The following ATXN3 variants were observed in gnomAD, a reference collection of about 807,000 sequenced individuals.
ATXN3 encodes the protein ataxin-3.
Under a neutral mutation model 58.2 loss-of-function variants are expected in ATXN3, and 28 were observed. That is an observed-to-expected ratio of 0.48 (90% CI 0.36 to 0.66). The LOEUF is 0.66. Among genes scored for constraint, ATXN3 ranks in the 30% least tolerant of loss-of-function variants. The pLI is 0.00. For missense variants in ATXN3, 321 were observed against 422.1 expected (o/e 0.76, Z 2.10); for synonymous variants, 113 against 138.5 (o/e 0.82, Z 1.29).
At chr14:92,086,872 C>T (rs930208009) in intron 6 of ATXN3, among the ~76,000 whole-genome samples, 1 of 151,872 alleles carries the variant, frequency 6.6e-6, no homozygotes, top group African/African-American at 2.4e-5. Context: ...AAAGCAGGAA[C>T]ATCTTGAGTA....
chr14:92,096,900 C>G, intron 1 of ATXN3, 62 bp from the exon 2 acceptor site: 1 of 1,431,670 alleles, frequency 7.0e-7, no homozygotes, highest in South Asian at 1.2e-5. Context: ...ATAGTATCTT[C>G]CCCTAAATAA....
Position 92,096,654 on chromosome 14 carries a change from A to G in ATXN3, c.189+20T>C. 6.6e-7 allele frequency: 1 copy of G among 1,515,774 alleles called. No homozygotes were observed. The highest frequency in any genetic ancestry group is 9.0e-7 in the Non-Finnish European group (1 of 1,109,250). 93.9% of individuals were successfully genotyped at this position (1,515,774 alleles called of 1,614,324 possible). ...AAAAAAAAAAAAAGAAATGTGACTT[A>G]GTGAGTTTAAAATCAGTACCTGTAA... On this transcript the variant is annotated intron_variant, in intron 2 of 10. Coordinates refer to ENST00000644486, the MANE Select transcript of ATXN3 (RefSeq NM_004993.6).
intron 10 of ATXN3, 175 bp downstream of exon 10, chr14:92,070,760 T>TC: frequency 8.5e-7 from 1 of 1,176,782 alleles, no homozygotes; most frequent in African/African-American, 1.7e-5. Flanking sequence ...TTTTTTTTTT[T>TC]CTTTTGGTAA....
rs35141835 is a variant in ATXN3, at chr14:92,060,734, ATTT to A, written c.*3583_*3585del. On this transcript the variant is annotated 3_prime_UTR_variant, in exon 11 of 11. Transcript: ENST00000644486. ...TTTAGTAGCTCTTGGCACTAGCATG[ATTT>A]TTTTTTTTTTTTTGAGACAGAGTCT... 12 of 138,614 alleles carry A rather than the reference ATTT, an allele frequency of 8.7e-5. 1 individual carries two copies. The highest frequency in any genetic ancestry group is 7.0e-4 in the South Asian group (3 of 4,286). The allele number at this position is 138,614 out of a possible 1,614,324, so 8.6% of individuals were successfully genotyped here. A position where few individuals can be genotyped will look rare whatever the true frequency, so the allele number is the denominator to read the frequency against.
At chr14:92,080,375 C>A (rs1451389511) in intron 9 of ATXN3, among the ~76,000 whole-genome samples, 1 of 152,138 alleles carries the variant, frequency 6.6e-6, no homozygotes, top group Non-Finnish European at 1.5e-5. Context: ...TCCAAAGGAT[C>A]AATTGGCATT....
At position 92,096,721 on chromosome 14, in the gene ATXN3, T is replaced by C; in HGVS notation, c.142A>G (p.Met48Val). ...TCACTAGTAACTCCTCCTTCTGCCATTCTCATCCTCTCCTCCTCATCCAGC... is the reference window on the plus strand; with the variant it reads ...TCACTAGTAACTCCTCCTTCTGCCACTCTCATCCTCTCCTCCTCATCCAGC... ...HQLDEEERMRMAEGGVTSEDY... is the reference protein window; with the variant it reads ...HQLDEEERMRVAEGGVTSEDY... Residue 48 changes from methionine (M) to valine (V), a missense_variant, in exon 2 of 11, where the codon ATG (methionine) becomes GTG (valine). Transcript: ENST00000644486. 6.2e-7 allele frequency: 1 copy of C among 1,614,050 alleles called. No individual in the cohort carries two copies.
At chr14:92,057,019 A>G (rs2057473248), downstream of ATXN3, among the ~76,000 whole-genome samples, 2 of 152,352 alleles carry the variant, frequency 1.3e-5, no homozygotes, top group African/African-American at 4.8e-5. Context: ...CCTCACTGCT[A>G]CACTCCCATT....
In ATXN3 at chr14:92,091,486, G is replaced by C. The variant is rs192281900; in HGVS notation, c.387+1766C>G. 5.3e-4 allele frequency among the ~76,000 whole-genome samples: 80 copies of C among 152,020 alleles called. 2 individuals carry two copies. Among genetic ancestry groups the C allele is most frequent in the Admixed American group, 6.6e-4 (10 of 15,250 alleles). ...AAGAAAGAAAGAAAGAACCAACTTA[G>C]GATGAAGCTAAGTAGGTGACTTTTC... is the stretch of plus-strand genomic sequence containing the variant. On this transcript the variant is annotated intron_variant, in intron 5 of 10. Transcript: ENST00000644486.
chr14:92,082,840 A>C (rs957472395), intron 7 of ATXN3, among the ~76,000 whole-genome samples: 6 of 151,776 alleles, frequency 4.0e-5, no homozygotes, highest in African/African-American at 1.5e-4. Flanking sequence ...TGTAGAGATG[A>C]GGTTTTGCCA....
chr14:92,101,955 C>G (rs1023105067), intron 1 of ATXN3, among the ~76,000 whole-genome samples: 1 of 152,008 alleles, frequency 6.6e-6, no homozygotes, highest in Non-Finnish European at 1.5e-5. Flanking sequence ...GAGATCAAGA[C>G]CATCCTGGCC....
intron 9 of ATXN3, among the ~76,000 whole-genome samples, chr14:92,078,915 GTGGCTCATGCC>G (rs2140606476): frequency 6.6e-6 from 1 of 152,302 alleles, no homozygotes; most frequent in African/African-American, 2.4e-5. Context: ...GCCGGGCTCA[GTGGCTCATGCC>G]TGTAATCCCA....
At chr14:92,056,280 G>A (rs1001197691), downstream of ATXN3, among the ~76,000 whole-genome samples, 14 of 152,102 alleles carry the variant, frequency 9.2e-5, no homozygotes, top group Non-Finnish European at 1.9e-4. Flanking sequence ...TACCTGTCTG[G>A]TATTCAAGAA....
At chr14:92,096,894 T>A in intron 1 of ATXN3, 56 bp from the exon 2 acceptor site, 1 of 1,450,694 alleles carries the variant, frequency 6.9e-7, no homozygotes, top group Non-Finnish European at 9.6e-7. Context: ...AATTGTATAG[T>A]ATCTTCCCCT....
At chr14:92,058,333 C>A (rs1189371098), downstream of ATXN3, 1 of 152,184 alleles carries the variant, frequency 6.6e-6, no homozygotes, top group African/African-American at 2.4e-5. Context: ...GATACAGATG[C>A]TGCTGGTCCT....
Position 92,059,187 on chromosome 14 carries a change from AAAT to A in ATXN3, c.*5130_*5132del, listed in dbSNP as rs1427086130. On this transcript the variant is annotated 3_prime_UTR_variant, in exon 11 of 11. Coordinates refer to ENST00000644486, the MANE Select transcript of ATXN3 (RefSeq NM_004993.6). ...CTTAAAATGCCAGACCACTTGGAAA[AAAT>A]AATAATAGCAAAGATTTTCTTCAAA... is the stretch of plus-strand genomic sequence containing the variant. 2.6e-5 allele frequency: 4 copies of A among 152,326 alleles called. No individual in the cohort carries two copies. Among genetic ancestry groups the A allele is most frequent in the South Asian group, 4.1e-4 (2 of 4,832 alleles). The allele number at this position is 152,326 out of a possible 1,614,324, so 9.4% of individuals were successfully genotyped here.
rs1418788932 is a variant in ATXN3 at position 92,085,376 on chromosome 14, C to T, written c.476-2118G>A. ...TAATTTTTGTATTTTTTGGTAGAGACAGGGTTTCACCATGTTGGCCAGGCT... is the reference window on the plus strand; with the variant it reads ...TAATTTTTGTATTTTTTGGTAGAGATAGGGTTTCACCATGTTGGCCAGGCT... On this transcript the variant is annotated intron_variant, in intron 6 of 10. Coordinates refer to ENST00000644486, the MANE Select transcript of ATXN3 (RefSeq NM_004993.6). 2.0e-5 allele frequency among the ~76,000 whole-genome samples: 3 copies of T among 152,024 alleles called. No individual in the cohort carries two copies. In the East Asian group the frequency reaches 5.8e-4, roughly 29 times the overall value.
At chr14:92,086,495 G>A (rs1056748794) in intron 6 of ATXN3, among the ~76,000 whole-genome samples, 3 of 150,388 alleles carry the variant, frequency 2.0e-5, no homozygotes, top group Admixed American at 6.7e-5. Flanking sequence ...AACCCAGGAG[G>A]CAGAAGTTAC....
chr14:92,084,636 G>A (rs1211440369), intron 6 of ATXN3, among the ~76,000 whole-genome samples: 1 of 151,510 alleles, frequency 6.6e-6, no homozygotes, highest in African/African-American at 2.4e-5. Context: ...GAGTGCAGTG[G>A]TGCAATATTA....
downstream of ATXN3, among the ~76,000 whole-genome samples, chr14:92,054,002 T>A (rs150753726): frequency 7.9e-5 from 12 of 151,830 alleles, no homozygotes; most frequent in East Asian, 2.1e-3. Context: ...TGGCGCGATA[T>A]CTGCTTACTG....
Sources: allele counts gnomAD v4.1 joint callset (sites outside exome capture counted in the v4.1 genomes callset), GRCh38; gene constraint gnomAD v4.1.1; transcripts MANE v1.5; gene names NCBI Gene and HGNC (gene_info 2026-07-23, HGNC 2026-07-21).